The following SDK1 variants were observed in gnomAD, a reference collection of about 807,000 sequenced individuals.
SDK1 encodes protein sidekick-1.
A neutral mutation model predicts 245.5 loss-of-function variants in SDK1; 157 were observed. The ratio of observed to expected loss-of-function variants is 0.64; its 90% CI spans 0.56 to 0.73. The LOEUF is 0.73. Among genes scored for constraint, SDK1 ranks in the 30% least tolerant of loss-of-function variants. The pLI, the probability that SDK1 is intolerant of heterozygous loss-of-function variation, is 0.00. For synonymous variants in SDK1, 1,647 were observed against 1,278.5 expected, an observed-to-expected ratio of 1.29 and a Z score of -6.15; for missense variants, 3,583 against 3,002.3, an observed-to-expected ratio of 1.19 and a Z score of -4.52.
At chr7:3,529,754 A>G (rs1243898654) in intron 1 of SDK1, among the ~76,000 whole-genome samples, 1 of 152,158 alleles carries the variant, frequency 6.6e-6, no homozygotes, top group African/African-American at 2.4e-5. Flanking sequence ...CAAAACATGT[A>G]TTAATTACAG....
At chr7:3,746,705 A>G (rs374573975) in intron 4 of SDK1, among the ~76,000 whole-genome samples, 3 of 152,224 alleles carry the variant, frequency 2.0e-5, no homozygotes, top group African/African-American at 4.8e-5. Context: ...GATTGTAGCA[A>G]TTCAGTCATG....
chr7:3,630,172 A>G (rs898856999), intron 2 of SDK1, among the ~76,000 whole-genome samples: 2 of 152,232 alleles, frequency 1.3e-5, no homozygotes, highest in African/African-American at 4.8e-5. Context: ...TGTAGTTGGA[A>G]TCCCCCAAGG....
intron 1 of SDK1, among the ~76,000 whole-genome samples, chr7:3,567,735 A>T (rs1169762654): frequency 6.6e-6 from 1 of 152,226 alleles, no homozygotes; most frequent in African/African-American, 2.4e-5. Context: ...GAGACAGGCT[A>T]GAGGGCTGTG....
intron 1 of SDK1, among the ~76,000 whole-genome samples, chr7:3,446,838 G>C (rs1388536839): frequency 6.6e-6 from 1 of 152,138 alleles, no homozygotes; most frequent in African/African-American, 2.4e-5. Flanking sequence ...GGTTTGCTTT[G>C]AGATTATTGC....
chr7:3,341,518 G>A (rs1177776590), intron 1 of SDK1, among the ~76,000 whole-genome samples: 1 of 152,110 alleles, frequency 6.6e-6, no homozygotes, highest in Non-Finnish European at 1.5e-5. Context: ...AAAAGGAGGA[G>A]CAAAACAGTC....
At chr7:3,994,384 G>T (rs1381560163) in intron 14 of SDK1, among the ~76,000 whole-genome samples, 1 of 152,124 alleles carries the variant, frequency 6.6e-6, no homozygotes, top group Non-Finnish European at 1.5e-5. Flanking sequence ...GCTCACACCT[G>T]TGTTCTCAGT....
chr7:3,821,824 TAAA>T (rs149976390), intron 5 of SDK1, among the ~76,000 whole-genome samples: 2 of 148,898 alleles, frequency 1.3e-5, no homozygotes, highest in African/African-American at 2.5e-5. Flanking sequence ...TTTTGGGAAT[TAAA>T]AAAAAAAGTA....
chr7:3,448,674 T>G (rs547317096), intron 1 of SDK1, among the ~76,000 whole-genome samples: 1 of 152,182 alleles, frequency 6.6e-6, no homozygotes, highest in Non-Finnish European at 1.5e-5. Context: ...TTTGTAGATA[T>G]CTAGCCACTT....
At chr7:4,148,649 G>A (rs573011489) in intron 29 of SDK1, among the ~76,000 whole-genome samples, 3 of 152,308 alleles carry the variant, frequency 2.0e-5, no homozygotes, top group South Asian at 2.1e-4. Context: ...AAGACCCTGC[G>A]ACCCCAGCTG....
chr7:4,220,182 G>A lies in SDK1; in HGVS notation c.5613G>A (p.Lys1871=), dbSNP rs776394565. ...QRWLKVRDLT[K]GVTYFFRVQA... ...GGCTGAAGGTGCGGGACCTCACCAAGGGAGTGACCTATTTCTTCCGTGTCC... is the reference window on the plus strand; with the variant it reads ...GGCTGAAGGTGCGGGACCTCACCAAAGGAGTGACCTATTTCTTCCGTGTCC... The change falls in exon 39 of 45, where the codon AAG becomes AAA. Residue 1871 remains lysine (K), a synonymous_variant. Coordinates refer to ENST00000404826, the MANE Select transcript of SDK1 (RefSeq NM_152744.4). The A allele has an allele frequency of 1.9e-6, 3 of 1,614,122 alleles. No homozygotes were observed. In the South Asian group the frequency reaches 3.3e-5, roughly 18 times the overall value.
intron 5 of SDK1, among the ~76,000 whole-genome samples, chr7:3,855,648 G>T (rs1034749800): frequency 2.0e-5 from 3 of 152,192 alleles, no homozygotes; most frequent in Admixed American, 1.3e-4. Flanking sequence ...AAGGGAATGT[G>T]GGGGAGGTAA....
At chr7:4,185,602 C>T (rs1157509235) in intron 35 of SDK1, among the ~76,000 whole-genome samples, 1 of 152,182 alleles carries the variant, frequency 6.6e-6, no homozygotes, top group Non-Finnish European at 1.5e-5. Context: ...TCCACGCGAG[C>T]CCTTGGATGG....
intron 1 of SDK1, among the ~76,000 whole-genome samples, chr7:3,511,553 A>G (rs562397762): frequency 3.3e-5 from 5 of 152,276 alleles, no homozygotes; most frequent in African/African-American, 2.4e-5. Flanking sequence ...TGGCTTGTCA[A>G]AATGTTTGTT....
chr7:3,620,917 T>G (rs1277750741), intron 2 of SDK1, among the ~76,000 whole-genome samples: 1 of 152,154 alleles, frequency 6.6e-6, no homozygotes, highest in Non-Finnish European at 1.5e-5. Context: ...GAGGAAAAGT[T>G]TATCATAGTA....
chr7:3,481,704 C>G (rs1202725425), intron 1 of SDK1, among the ~76,000 whole-genome samples: 1 of 152,250 alleles, frequency 6.6e-6, no homozygotes, highest in Non-Finnish European at 1.5e-5. Context: ...TCTGTCCTCT[C>G]AGCATCTAGT....
intron 1 of SDK1, among the ~76,000 whole-genome samples, chr7:3,533,394 T>A (rs991575261): frequency 6.6e-6 from 1 of 152,204 alleles, no homozygotes; most frequent in South Asian, 2.1e-4. Context: ...AGGGAGGACT[T>A]CCATTTGACT....
chr7:4,248,662 A>G (rs1787076688), intron 44 of SDK1, among the ~76,000 whole-genome samples: 1 of 152,090 alleles, frequency 6.6e-6, no homozygotes, highest in Non-Finnish European at 1.5e-5. Flanking sequence ...ACATGTACAA[A>G]TAACTACACA....
chr7:3,393,622 A>T (rs1781816609), intron 1 of SDK1, among the ~76,000 whole-genome samples: 1 of 152,188 alleles, frequency 6.6e-6, no homozygotes, highest in South Asian at 2.1e-4. Context: ...CTACAAGTTA[A>T]AATGAATGTG....
intron 1 of SDK1, among the ~76,000 whole-genome samples, chr7:3,420,615 C>G (rs1219969158): frequency 6.6e-6 from 1 of 152,104 alleles, no homozygotes; most frequent in African/African-American, 2.4e-5. Flanking sequence ...TTTTACAGAG[C>G]TTGATATGTG....
Sources: gnomAD v4.1 joint callset for allele counts (sites outside exome capture counted in the v4.1 genomes callset) on GRCh38, gnomAD v4.1.1 for gene constraint, MANE v1.5 for transcripts, NCBI Gene and HGNC (gene_info 2026-07-23, HGNC 2026-07-21) for gene names.